Variants in PURB observed in about 807,000 individuals in gnomAD.
PURB encodes purine rich element binding protein B, also known as transcriptional regulator protein Pur-beta.
In PURB, 11 loss-of-function variants were observed where a neutral mutation model predicts 21.1. That is an observed-to-expected ratio of 0.52 (90% confidence interval 0.33 to 0.86). The LOEUF is 0.86. Among genes scored for constraint, PURB ranks in the 40% least tolerant of loss-of-function variants. The pLI, the probability that PURB is intolerant of heterozygous loss-of-function variation, is 0.02. For missense variants in PURB, 357 were observed against 456.5 expected (o/e 0.78, Z 1.99); for synonymous variants, 246 against 210.8 (o/e 1.17, Z -1.45).
At position 44,884,162 on chromosome 7, in the gene PURB, G is replaced by A. The variant is rs1156960358; in HGVS notation, c.*248C>T. 14 of 809,510 alleles carry A rather than the reference G, an allele frequency of 1.7e-5. No individual in the cohort carries two copies. The highest frequency in any genetic ancestry group is 2.2e-5 in the Non-Finnish European group (12 of 544,798). 50.1% of individuals were successfully genotyped at this position (809,510 alleles called of 1,614,324 possible). A position where few individuals can be genotyped will look rare whatever the true frequency, so the allele number is the denominator to read the frequency against. The stretch of plus-strand genomic sequence containing the variant: ...ACAACAGAAGCTGAGACAATTTTAC[G>A]CAGGTGAGGAGATGCTGTTTTCCTC... On this transcript the variant is annotated 3_prime_UTR_variant, in exon 1 of 1. Coordinates refer to ENST00000395699, the MANE Select transcript of PURB (RefSeq NM_033224.5).
In PURB at chr7:44,881,420, A is replaced by G. The variant is rs1033356012; in HGVS notation, c.*2990T>C. ...CTATTGTCCCTAGTGACTGGAGTGA[A>G]GATCAGTGAAATGCTACAATTAATC... On this transcript the variant is annotated 3_prime_UTR_variant, in exon 1 of 1. Coordinates refer to ENST00000395699, the MANE Select transcript of PURB (RefSeq NM_033224.5). 1.3e-5 allele frequency: 2 copies of G among 152,564 alleles called. No individual in the cohort carries two copies. Among genetic ancestry groups the G allele is most frequent in the African/African-American group, 4.8e-5 (2 of 41,434 alleles). The allele number at this position is 152,564 out of a possible 1,614,324, so 9.5% of individuals were successfully genotyped here. A position where few individuals can be genotyped will look rare whatever the true frequency, so the allele number is the denominator to read the frequency against.
In PURB at chr7:44,884,279, A is replaced by T. The variant is rs1437321591; in HGVS notation, c.*131T>A. On this transcript the variant is annotated 3_prime_UTR_variant, in exon 1 of 1. Transcript: ENST00000395699. ...TACGATTATTTCTCTTAACTGTGTT[A>T]CGTTTTGTTTTTTCCCTCTGCGGCC... 1.4e-6 allele frequency: 2 copies of T among 1,469,928 alleles called. No individual in the cohort carries two copies. Among genetic ancestry groups the T allele is most frequent in the Non-Finnish European group, 1.8e-6 (2 of 1,113,736 alleles). The allele number at this position is 1,469,928 out of a possible 1,614,324, so 91.1% of individuals were successfully genotyped here. A position where few individuals can be genotyped will look rare whatever the true frequency, so the allele number is the denominator to read the frequency against.
chr7:44,884,731 G>A lies in PURB; in HGVS notation c.618C>T (p.Gly206=), dbSNP rs1283536572. 6.2e-7 allele frequency: 1 copy of A among 1,611,714 alleles called. No individual in the cohort carries two copies. The highest frequency in any genetic ancestry group is 1.3e-5 in the African/African-American group (1 of 74,988). The part of the protein sequence containing the change: ...EDDELAGGPG[G]GAGGPGGGLY... ...GGCCGCCCCCTGGGCCCCCGGCGCC[G>A]CCTCCCGGGCCGCCTGCCAGCTCGT... The change falls in exon 1 of 1, where the codon GGC becomes GGT. Residue 206 remains glycine, a synonymous_variant. Coordinates refer to ENST00000395699, the MANE Select transcript of PURB (RefSeq NM_033224.5).
Position 44,884,929 on chromosome 7 carries a change from G to T in PURB, c.420C>A (p.Arg140=). ...TTTGGCGGATGCGCAGGAAGCGGCCGCGCTGGTTCTCCTTGAGGTCCAGGT... is the reference window on the plus strand; with the variant it reads ...TTTGGCGGATGCGCAGGAAGCGGCCTCGCTGGTTCTCCTTGAGGTCCAGGT... ...KYYLDLKENQ[R]GRFLRIRQTV... is the part of the protein sequence containing the mutation. The change falls in exon 1 of 1, where the codon CGC becomes CGA. Residue 140 remains arginine, a synonymous_variant. Coordinates refer to ENST00000395699, the MANE Select transcript of PURB (RefSeq NM_033224.5). 6.3e-7 allele frequency: 1 copy of T among 1,584,712 alleles called. No homozygotes were observed. The highest frequency in any genetic ancestry group is 8.6e-7 in the Non-Finnish European group (1 of 1,168,114).
chr7:44,884,334 G>A lies in PURB; in HGVS notation c.*76C>T, dbSNP rs1793922913. 1 of 1,558,542 alleles carries A rather than the reference G, an allele frequency of 6.4e-7. No homozygotes were observed. The highest frequency in any genetic ancestry group is 8.6e-7 in the Non-Finnish European group (1 of 1,156,846). On this transcript the variant is annotated 3_prime_UTR_variant, in exon 1 of 1. Transcript: ENST00000395699. Reference sequence around the variant, plus strand: ...TTGCTCCCTCTCCACTAGCTCACTGGGGATGAGCAGGAAAGGGAATTCTCT... The same window carrying A: ...TTGCTCCCTCTCCACTAGCTCACTGAGGATGAGCAGGAAAGGGAATTCTCT...
rs1793903051 is a variant in PURB at position 44,883,102 on chromosome 7, T to C, written c.*1308A>G. On this transcript the variant is annotated 3_prime_UTR_variant, in exon 1 of 1. Transcript: ENST00000395699. The stretch of plus-strand genomic sequence containing the variant: ...GGATTTCAGCTTCCACCGGGTGCAC[T>C]GCTTGAATCACTCATCCATCATTTG... 6.5e-6 allele frequency: 1 copy of C among 152,746 alleles called. No homozygotes were observed. Among genetic ancestry groups the C allele is most frequent in the Admixed American group, 6.5e-5 (1 of 15,300 alleles). 9.5% of individuals were successfully genotyped at this position (152,746 alleles called of 1,614,324 possible).
chr7:44,885,253 C>A lies in PURB; in HGVS notation c.96G>T (p.Gln32His). 1 of 1,558,718 alleles carries A rather than the reference C, an allele frequency of 6.4e-7. No homozygotes were observed. Reference sequence around the variant, plus strand: ...TGTCCAGCCGCTTCGAGGCCAGCTCCTGCGTCTCTTGCTCGCCGCCGCCGC... The same window carrying A: ...TGTCCAGCCGCTTCGAGGCCAGCTCATGCGTCTCTTGCTCGCCGCCGCCGC... ...ASRGGGEQETQELASKRLDIQ... is the reference protein window; with the variant it reads ...ASRGGGEQETHELASKRLDIQ... The change falls in exon 1 of 1, where the codon CAG becomes CAT. Residue 32 changes from glutamine (Q) to histidine (H), a missense_variant. Physicochemically the swap from Gln to His is conservative, Grantham distance 24. Transcript: ENST00000395699.
rs1417363288 is a variant in PURB at position 44,878,160 on chromosome 7, T to C, written c.*6250A>G. 6.6e-6 allele frequency: 1 copy of C among 152,198 alleles called. No individual in the cohort carries two copies. Among genetic ancestry groups the C allele is most frequent in the Non-Finnish European group, 1.5e-5 (1 of 68,036 alleles). 9.4% of individuals were successfully genotyped at this position (152,198 alleles called of 1,614,324 possible). On this transcript the variant is annotated 3_prime_UTR_variant, in exon 1 of 1. Transcript: ENST00000395699. ...CCTAAATGGATATTTTGGAAAAAGT[T>C]AGCTATTGAAGTGTTATTTAAGGTA...
At position 44,881,751 on chromosome 7, in the gene PURB, T is replaced by C. The variant is rs2128691689; in HGVS notation, c.*2659A>G. On this transcript the variant is annotated 3_prime_UTR_variant, in exon 1 of 1. Coordinates refer to ENST00000395699, the MANE Select transcript of PURB (RefSeq NM_033224.5). Reference sequence around the variant, plus strand: ...TGGTAACCAAAGCTGATGCCATATATGGTAGTGTTCTTGGCATATACTCTA... The same window carrying C: ...TGGTAACCAAAGCTGATGCCATATACGGTAGTGTTCTTGGCATATACTCTA... The C allele has an allele frequency of 6.5e-6, 1 of 154,830 alleles. No individual in the cohort carries two copies. Among genetic ancestry groups the C allele is most frequent in the Middle Eastern group, 5.4e-4 (1 of 1,838 alleles). The allele number at this position is 154,830 out of a possible 1,614,324, so 9.6% of individuals were successfully genotyped here.
rs371836667 is a variant in PURB, at chr7:44,884,742, C to A, written c.607G>T (p.Gly203Cys). 1.1e-5 allele frequency: 17 copies of A among 1,611,540 alleles called. No homozygotes were observed. The highest frequency in any genetic ancestry group is 6.6e-5 in the South Asian group (6 of 91,000). Residue 203 changes from glycine to cysteine, a missense_variant, in exon 1 of 1, where the codon GGC becomes TGC. Gly to Cys is a radical substitution (Grantham distance 159). Coordinates refer to ENST00000395699, the MANE Select transcript of PURB (RefSeq NM_033224.5). ...GGGCCCCCGGCGCCGCCTCCCGGGC[C>A]GCCTGCCAGCTCGTCGTCCTCGCCT... is the stretch of plus-strand genomic sequence containing the variant. The part of the protein sequence containing the change: ...YGGEDDELAG[G>C]PGGGAGGPGG...
rs569899683 is a variant in PURB, at chr7:44,882,154, G to C, written c.*2256C>G. 1.3e-5 allele frequency: 2 copies of C among 152,646 alleles called. No homozygotes were observed. The highest frequency in any genetic ancestry group is 3.9e-4 in the East Asian group (2 of 5,190). The allele number at this position is 152,646 out of a possible 1,614,324, so 9.5% of individuals were successfully genotyped here. ...AATAGTTTCTGCAAACCTAATGCTAGCTTCTCAGCTCCTTTACTAAAACTA... is the reference window on the plus strand; with the variant it reads ...AATAGTTTCTGCAAACCTAATGCTACCTTCTCAGCTCCTTTACTAAAACTA... On this transcript the variant is annotated 3_prime_UTR_variant, in exon 1 of 1. Coordinates refer to ENST00000395699, the MANE Select transcript of PURB (RefSeq NM_033224.5).
Position 44,884,740 on chromosome 7 carries a change from G to A in PURB, c.609C>T (p.Gly203=). 1.9e-6 allele frequency: 3 copies of A among 1,611,500 alleles called. No individual in the cohort carries two copies. The highest frequency in any genetic ancestry group is 2.5e-6 in the Non-Finnish European group (3 of 1,179,440). Residue 203 remains glycine, a synonymous_variant, in exon 1 of 1, where the codon GGC becomes GGT. Transcript: ENST00000395699. ...CTGGGCCCCCGGCGCCGCCTCCCGGGCCGCCTGCCAGCTCGTCGTCCTCGC... is the reference window on the plus strand; with the variant it reads ...CTGGGCCCCCGGCGCCGCCTCCCGGACCGCCTGCCAGCTCGTCGTCCTCGC... ...YGGEDDELAG[G]PGGGAGGPGG...
At position 44,882,112 on chromosome 7, in the gene PURB, C is replaced by T. The variant is rs1793883688; in HGVS notation, c.*2298G>A. On this transcript the variant is annotated 3_prime_UTR_variant, in exon 1 of 1. Transcript: ENST00000395699. The stretch of plus-strand genomic sequence containing the variant: ...CTGCAACTTAAATTTTCATTGCTGC[C>T]TCAGAGTTGAAACTTAAATAGTTTC... The T allele has an allele frequency of 1.3e-5, 2 of 152,580 alleles. No homozygotes were observed. Among genetic ancestry groups the T allele is most frequent in the African/African-American group, 4.8e-5 (2 of 41,438 alleles). 9.5% of individuals were successfully genotyped at this position (152,580 alleles called of 1,614,324 possible).
chr7:44,885,199 C>T lies in PURB; in HGVS notation c.150G>A (p.Val50=), dbSNP rs115436770. 1.4e-3 allele frequency: 2,173 copies of T among 1,587,430 alleles called. 37 individuals carry two copies. In the African/African-American group the frequency reaches 0.027, roughly 20 times the overall value. ...GGAAGCGGCCCTTGGCGTTCTGCTT[C>T]ACATCTAAGTAGAAGCGCTTGTTCT... The part of the protein sequence containing the change: ...DIQNKRFYLD[V]KQNAKGRFLK... Residue 50 remains valine (V), a synonymous_variant, in exon 1 of 1, where the codon GTG becomes GTA. Transcript: ENST00000395699.
chr7:44,885,189 C>A lies in PURB; in HGVS notation c.160G>T (p.Ala54Ser). Residue 54 changes from alanine to serine, a missense_variant, in exon 1 of 1, where the codon GCC becomes TCC. Physicochemically the swap from Ala to Ser is moderately conservative, Grantham distance 99 (BLOSUM62 1). Transcript: ENST00000395699. ...GCGATCTTGAGGAAGCGGCCCTTGG[C>A]GTTCTGCTTCACATCTAAGTAGAAG... ...KRFYLDVKQN[A>S]KGRFLKIAEV... The A allele has an allele frequency of 6.3e-7, 1 of 1,587,660 alleles. No homozygotes were observed. The highest frequency in any genetic ancestry group is 8.5e-7 in the Non-Finnish European group (1 of 1,171,150).
At position 44,882,835 on chromosome 7, in the gene PURB, G is replaced by C. The variant is rs1039331284; in HGVS notation, c.*1575C>G. Reference sequence around the variant, plus strand: ...TCCCATTCAATTCAAAGTTACCTAGGTCTATGACATTTCTAGGAATACCTT... The same window carrying C: ...TCCCATTCAATTCAAAGTTACCTAGCTCTATGACATTTCTAGGAATACCTT... On this transcript the variant is annotated 3_prime_UTR_variant, in exon 1 of 1. Coordinates refer to ENST00000395699, the MANE Select transcript of PURB (RefSeq NM_033224.5). 4.6e-5 allele frequency: 7 copies of C among 152,262 alleles called. No individual in the cohort carries two copies. In the East Asian group the frequency reaches 1.3e-3, roughly 29 times the overall value. 9.4% of individuals were successfully genotyped at this position (152,262 alleles called of 1,614,324 possible). A position where few individuals can be genotyped will look rare whatever the true frequency, so the allele number is the denominator to read the frequency against.
rs1449576164 is a variant in PURB at position 44,885,383 on chromosome 7, G to A, written c.-35C>T. 1.5e-5 allele frequency: 14 copies of A among 920,968 alleles called. No homozygotes were observed. The highest frequency in any genetic ancestry group is 1.6e-5 in the Non-Finnish European group (12 of 747,564). The allele number at this position is 920,968 out of a possible 1,614,324, so 57.0% of individuals were successfully genotyped here. On this transcript the variant is annotated 5_prime_UTR_variant, in exon 1 of 1. Transcript: ENST00000395699. ...CGCCGCCTCGCCGCCACCGCCCGCC[G>A]CGCTCGCGCCCCCGCCCTCCGGCTC...
chr7:44,884,653 G>A lies in PURB; in HGVS notation c.696C>T (p.Phe232=), dbSNP rs750078497. Residue 232 remains phenylalanine (F), a synonymous_variant, in exon 1 of 1, where the codon TTC becomes TTT. Transcript: ENST00000395699. ...ATTTGTTGCAGCCCACATCGAAGAA[G>A]AAGCGCTTGGAGTCCACGGTGATGG... is the stretch of plus-strand genomic sequence containing the variant. The part of the protein sequence containing the change: ...GTSITVDSKR[F]FFDVGCNKYG... The A allele has an allele frequency of 5.0e-6, 8 of 1,614,102 alleles. No homozygotes were observed. The highest frequency in any genetic ancestry group is 1.1e-5 in the South Asian group (1 of 91,094).
rs552692317 is a variant in PURB at position 44,882,332 on chromosome 7, T to C, written c.*2078A>G. 2 of 152,672 alleles carry C rather than the reference T, an allele frequency of 1.3e-5. No homozygotes were observed. The highest frequency in any genetic ancestry group is 2.1e-4 in the South Asian group (1 of 4,828). The allele number at this position is 152,672 out of a possible 1,614,324, so 9.5% of individuals were successfully genotyped here. A position where few individuals can be genotyped will look rare whatever the true frequency, so the allele number is the denominator to read the frequency against. The stretch of plus-strand genomic sequence containing the variant: ...AACATCAAAAATACTATTGCTCCCA[T>C]ACAATTTAGGAAACATTCTTTGCAA... On this transcript the variant is annotated 3_prime_UTR_variant, in exon 1 of 1. Transcript: ENST00000395699.
Sources: allele counts gnomAD v4.1 joint callset, GRCh38; gene constraint gnomAD v4.1.1; transcripts MANE v1.5; gene names NCBI Gene and HGNC (gene_info 2026-07-23, HGNC 2026-07-21).